Variants in KCNG4 observed in about 807,000 individuals in gnomAD.
KCNG4 encodes voltage-gated potassium channel regulatory subunit KCNG4.
KCNG4 carries 30 observed loss-of-function variants against 28.2 expected under a neutral mutation model. The observed-to-expected ratio is 1.06, with a 90% CI of 0.80 to 1.44. The LOEUF is 1.44. Ranked by LOEUF, KCNG4 falls within the 40% of genes most tolerant of loss-of-function variation. The pLI, the probability that KCNG4 is intolerant of heterozygous loss-of-function variation, is 0.00. For synonymous variants in KCNG4, 375 were observed against 315.5 expected, an observed-to-expected ratio of 1.19 and a Z score of -2.00; for missense variants, 879 against 712.3, an observed-to-expected ratio of 1.23 and a Z score of -2.66.
At chr16:84,229,485 C>G (rs2151337944) in intron 2 of KCNG4, among the ~76,000 whole-genome samples, 1 of 152,314 alleles carries the variant, frequency 6.6e-6, no homozygotes, top group Middle Eastern at 3.4e-3. Flanking sequence ...TAAGAAGTAT[C>G]CACTGACTCT....
At chr16:84,232,742 TACAAAAATTAGCCAGGCGTGATG>T (rs1460947843) in intron 2 of KCNG4, among the ~76,000 whole-genome samples, 1 of 151,634 alleles carries the variant, frequency 6.6e-6, no homozygotes, top group African/African-American at 2.4e-5. Flanking sequence ...CTACAAAATG[TACAAAAATTAGCCAGGCGTGATG>T]ATGCCTGCCT....
At position 84,237,004 on chromosome 16, in the gene KCNG4, C is replaced by A; in HGVS notation, c.482G>T (p.Cys161Phe). Residue 161 changes from cysteine to phenylalanine, a missense_variant, in exon 2 of 3, where the codon TGC becomes TTC. Transcript: ENST00000308251. ...GIEEAHLERC[C>F]LRKLLRKLEE... ...CAGCTTCCTCAGCAGCTTCCGCAGG[C>A]AGCACCTCTCCAGGTGGGCCTCCTC... The A allele has an allele frequency of 6.2e-7, 1 of 1,613,850 alleles. No individual in the cohort carries two copies. Among genetic ancestry groups the A allele is most frequent in the Middle Eastern group, 1.6e-4 (1 of 6,062 alleles).
At position 84,222,672 on chromosome 16, in the gene KCNG4, G is replaced by A. The variant is rs772845134; in HGVS notation, c.1105C>T (p.Arg369Cys). 17 of 1,613,096 alleles carry A rather than the reference G, an allele frequency of 1.1e-5. No homozygotes were observed. Among genetic ancestry groups the A allele is most frequent in the African/African-American group, 4.0e-5 (3 of 74,938 alleles). The change falls in exon 3 of 3, where the codon CGT (arginine) becomes TGT (cysteine). Residue 369 changes from arginine (R) to cysteine (C), a missense_variant. By Grantham distance (180) the Arg-to-Cys change is radical. Transcript: ENST00000308251. ...TLGLTVRRCTREFGLLLLFLA... is the reference protein window; with the variant it reads ...TLGLTVRRCTCEFGLLLLFLA... ...AAGAGAAGGAGCAGGCCGAACTCAC[G>A]TGTGCAACGGCGCACGGTGAGCCCC...
rs112215858 is a variant in KCNG4, at chr16:84,222,844, C to T, written c.933G>A (p.Ala311=). 2,109 of 1,611,012 alleles carry T rather than the reference C, an allele frequency of 1.3e-3. 23 individuals are homozygous for T. In the African/African-American group the frequency reaches 0.02, roughly 15 times the overall value. Residue 311 remains alanine (A), a synonymous_variant, in exon 3 of 3, where the codon GCG becomes GCA. Coordinates refer to ENST00000308251, the MANE Select transcript of KCNG4 (RefSeq NM_172347.3). ...LAISPYYVSL[A]VSEEPPEDGE... ...CGTCCTCCGGGGGCTCCTCAGACACCGCCAGCGACACGTAGTATGGGGAGA... is the reference window on the plus strand; with the variant it reads ...CGTCCTCCGGGGGCTCCTCAGACACTGCCAGCGACACGTAGTATGGGGAGA...
chr16:84,223,184 C>G (rs534175755), intron 2 of KCNG4, among the ~76,000 whole-genome samples, 164 bp from the exon 3 acceptor site: 1 of 152,156 alleles, frequency 6.6e-6, no homozygotes, highest in Non-Finnish European at 1.5e-5. Flanking sequence ...CACAGCAGAT[C>G]GGCTAGGTCA....
At chr16:84,236,565 T>A (rs1904954439) in intron 2 of KCNG4, 165 bp downstream of exon 2, 3 of 879,430 alleles carry the variant, frequency 3.4e-6, no homozygotes, top group Non-Finnish European at 4.9e-6. Flanking sequence ...TGGAAAATTA[T>A]CTTTTATGAC....
In KCNG4 at chr16:84,222,677, C is replaced by T. The variant is rs149108595; in HGVS notation, c.1100G>A (p.Cys367Tyr). 9.9e-6 allele frequency: 16 copies of T among 1,613,128 alleles called. No individual in the cohort carries two copies. Among genetic ancestry groups the T allele is most frequent in the Non-Finnish European group, 1.2e-5 (14 of 1,179,820 alleles). ...LQTLGLTVRRCTREFGLLLLF... is the reference protein window; with the variant it reads ...LQTLGLTVRRYTREFGLLLLF... Reference sequence around the variant, plus strand: ...AAGGAGCAGGCCGAACTCACGTGTGCAACGGCGCACGGTGAGCCCCAGCGT... The same window carrying T: ...AAGGAGCAGGCCGAACTCACGTGTGTAACGGCGCACGGTGAGCCCCAGCGT... Residue 367 changes from cysteine to tyrosine, a missense_variant, in exon 3 of 3, where the codon TGC becomes TAC. Physicochemically the swap from Cys to Tyr is radical, Grantham distance 194 (BLOSUM62 -2). Coordinates refer to ENST00000308251, the MANE Select transcript of KCNG4 (RefSeq NM_172347.3).
chr16:84,225,122 C>CCA (rs1377713621), intron 2 of KCNG4, among the ~76,000 whole-genome samples: 2 of 152,110 alleles, frequency 1.3e-5, no homozygotes, highest in Non-Finnish European at 2.9e-5. Flanking sequence ...TGGTCATGGA[C>CCA]CACAGTCTCC....
At chr16:84,230,905 G>A (rs937263094) in intron 2 of KCNG4, among the ~76,000 whole-genome samples, 6 of 152,208 alleles carry the variant, frequency 3.9e-5, no homozygotes, top group Non-Finnish European at 5.9e-5. Flanking sequence ...TTCTCCCACC[G>A]GGTCTCCAGC....
intron 2 of KCNG4, 40 bp downstream of exon 2, chr16:84,236,690 C>G (rs755478237): frequency 6.4e-7 from 1 of 1,571,964 alleles, no homozygotes; most frequent in Non-Finnish European, 8.6e-7. Flanking sequence ...CCCAGGCACC[C>G]TGCGGGATGG....
At position 84,227,923 on chromosome 16, in the gene KCNG4, G is replaced by A. The variant is rs144389692; in HGVS notation, c.757-4903C>T. ...GGTGGGTGTCCGGGGCTGGATGGAG[G>A]AGGAGGGTAGCAGTGATGGCTGCAC... On this transcript the variant is annotated intron_variant, in intron 2 of 2. Coordinates refer to ENST00000308251, the MANE Select transcript of KCNG4 (RefSeq NM_172347.3). Among the ~76,000 whole-genome samples the A allele has an allele frequency of 1.9e-4, 29 of 152,328 alleles. No individual in the cohort carries two copies. The East Asian group carries it at 4.6e-3, about 24-fold the overall frequency.
rs1190930448 is a variant in KCNG4, at chr16:84,222,979, C to T, written c.798G>A (p.Glu266=). The T allele has an allele frequency of 6.5e-7, 1 of 1,548,070 alleles. No homozygotes were observed. Residue 266 remains glutamate, a synonymous_variant, in exon 3 of 3, where the codon GAG becomes GAA. Coordinates refer to ENST00000308251, the MANE Select transcript of KCNG4 (RefSeq NM_172347.3). ...GGGAGAACCAGGCCACGCAGATGGT[C>T]TCCACGATGAAAATATAGTAGCACT... ...SRKCYYIFIV[E]TICVAWFSLE...
chr16:84,228,902 T>G (rs4782595), intron 2 of KCNG4, among the ~76,000 whole-genome samples: 85,566 of 152,198 alleles, frequency 0.56, 24,678 homozygotes, highest in Middle Eastern at 0.67. Context: ...CTCCGGTTCA[T>G]GCCCTGTGGC....
chr16:84,225,829 G>A (rs1014294039), intron 2 of KCNG4, among the ~76,000 whole-genome samples: 8 of 152,208 alleles, frequency 5.3e-5, no homozygotes, highest in Non-Finnish European at 1.0e-4. Flanking sequence ...CTGCTCTGCC[G>A]CGTCACTGCA....
Position 84,222,583 on chromosome 16 carries a change from C to T in KCNG4, c.1194G>A (p.Arg398=). The change falls in exon 3 of 3, where the codon CGG becomes CGA. Residue 398 remains arginine (R), a synonymous_variant. Transcript: ENST00000308251. The stretch of plus-strand genomic sequence containing the variant: ...CGGGGATGCTGGTGAACTCCAGCAC[C>T]CGCCCGGACTCCTTCTCGGCCACGT... ...LVYVAEKESG[R]VLEFTSIPAS... is the part of the protein sequence containing the mutation. The T allele has an allele frequency of 6.2e-7, 1 of 1,613,280 alleles. No individual in the cohort carries two copies. Among genetic ancestry groups the T allele is most frequent in the South Asian group, 1.1e-5 (1 of 91,088 alleles).
intron 2 of KCNG4, among the ~76,000 whole-genome samples, chr16:84,233,295 C>G (rs1388810294): frequency 1.3e-5 from 2 of 152,192 alleles, no homozygotes; most frequent in East Asian, 3.8e-4. Flanking sequence ...CCCAGGACAT[C>G]TGGCCTTCGC....
chr16:84,232,404 G>C (rs1364015122), intron 2 of KCNG4, among the ~76,000 whole-genome samples: 2 of 152,174 alleles, frequency 1.3e-5, no homozygotes, highest in Non-Finnish European at 2.9e-5. Flanking sequence ...AAAGCAGATG[G>C]GTGATTGCCA....
rs1016911180 is a variant in KCNG4 at position 84,237,249 on chromosome 16, C to A, written c.237G>T (p.Arg79=). ...RYLLPWSTLD[R]FPLSRLSKLR... ...GTTTGCTCAGGCGGCTCAGCGGGAA[C>A]CGGTCCAGTGTGCTCCAGGGGAGGA... The change falls in exon 2 of 3, where the codon CGG becomes CGT. Residue 79 remains arginine (R), a synonymous_variant. Coordinates refer to ENST00000308251, the MANE Select transcript of KCNG4 (RefSeq NM_172347.3). 7 of 1,614,010 alleles carry A rather than the reference C, an allele frequency of 4.3e-6. No homozygotes were observed. Among genetic ancestry groups the A allele is most frequent in the Non-Finnish European group, 5.1e-6 (6 of 1,179,968 alleles).
In KCNG4 at chr16:84,221,870, T is replaced by A. The variant is rs1415244598; in HGVS notation, c.*347A>T. The stretch of plus-strand genomic sequence containing the variant: ...GGCTCAGTATGCAAATACCAATGGT[T>A]ACCAGTTCTATGGGCATCCAGAACC... On this transcript the variant is annotated 3_prime_UTR_variant, in exon 3 of 3. Transcript: ENST00000308251. 3.6e-6 allele frequency: 1 copy of A among 278,940 alleles called. No homozygotes were observed. The highest frequency in any genetic ancestry group is 6.8e-6 in the Non-Finnish European group (1 of 147,308). The allele number at this position is 278,940 out of a possible 1,614,324, so 17.3% of individuals were successfully genotyped here.
Sources: allele counts gnomAD v4.1 joint callset (sites outside exome capture counted in the v4.1 genomes callset), GRCh38; gene constraint gnomAD v4.1.1; transcripts MANE v1.5; gene names NCBI Gene and HGNC (gene_info 2026-07-23, HGNC 2026-07-21).